Variants in LRRFIP2 observed in about 807,000 individuals in gnomAD.
LRRFIP2 encodes leucine-rich repeat flightless-interacting protein 2.
In LRRFIP2, 109 loss-of-function variants were observed where a neutral mutation model predicts 125.9. The ratio of observed to expected loss-of-function variants is 0.87; its 90% confidence interval spans 0.74 to 1.01. LRRFIP2 has a LOEUF of 1.01. Among genes scored for constraint, LRRFIP2 ranks in the 50% least tolerant of loss-of-function variants. The pLI is 0.00. For missense variants in LRRFIP2, 850 were observed against 862.3 expected, an observed-to-expected ratio of 0.99 and a Z score of 0.18; for synonymous variants, 291 against 293.1, an observed-to-expected ratio of 0.99 and a Z score of 0.07.
intron 1 of LRRFIP2, among the ~76,000 whole-genome samples, chr3:37,152,293 G>A (rs2096056413): frequency 6.6e-6 from 1 of 152,124 alleles, no homozygotes; most frequent in South Asian, 2.1e-4. Flanking sequence ...ACTTGGTGGT[G>A]GGGGCAAGGA....
At chr3:37,117,924 T>C (rs892390991) in intron 6 of LRRFIP2, among the ~76,000 whole-genome samples, 1 of 152,150 alleles carries the variant, frequency 6.6e-6, no homozygotes, top group African/African-American at 2.4e-5. Flanking sequence ...AATTAAACAG[T>C]GTAATAGTAA....
chr3:37,120,925 G>A (rs1446861696), intron 6 of LRRFIP2, among the ~76,000 whole-genome samples: 3 of 151,982 alleles, frequency 2.0e-5, no homozygotes, highest in Non-Finnish European at 4.4e-5. Context: ...ATAATACAAG[G>A]GTTTTTAAGG....
intron 20 of LRRFIP2, among the ~76,000 whole-genome samples, chr3:37,074,227 C>T (rs1355206402): frequency 6.6e-6 from 1 of 152,000 alleles, no homozygotes; most frequent in Admixed American, 6.6e-5. Flanking sequence ...TCTGAGTAGC[C>T]AGGAATGTGG....
intron 19 of LRRFIP2, among the ~76,000 whole-genome samples, chr3:37,081,689 G>C (rs999134039): frequency 1.3e-5 from 2 of 151,642 alleles, no homozygotes; most frequent in African/African-American, 4.8e-5. Flanking sequence ...TTCGAGACCA[G>C]CCTGGGCAAC....
Position 37,169,595 on chromosome 3 carries a change from G to A in LRRFIP2, c.-56+4944C>T, listed in dbSNP as rs73827224. 7.6e-3 allele frequency among the ~76,000 whole-genome samples: 1,156 copies of A among 152,216 alleles called. 16 individuals carry two copies. Among genetic ancestry groups the A allele is most frequent in the African/African-American group, 0.026 (1,094 of 41,532 alleles). On this transcript the variant is annotated intron_variant, in intron 1 of 27. Transcript: ENST00000336686. ...CATCCTAATCCTCTGCATACAGTAC[G>A]GTATACTCTAACTTACAAAACAGAA...
At position 37,058,539 on chromosome 3, in the gene LRRFIP2, G is replaced by A. The variant is rs189596275; in HGVS notation, c.1870+251C>T. Among the ~76,000 whole-genome samples the A allele has an allele frequency of 5.9e-5, 9 of 152,178 alleles. No homozygotes were observed. In the East Asian group the frequency reaches 1.7e-3, roughly 29 times the overall value. On this transcript the variant is annotated intron_variant, in intron 25 of 27. Coordinates refer to ENST00000336686, the MANE Select transcript of LRRFIP2 (RefSeq NM_006309.4). ...AAACATAAAAAACTAGCCGGGCATG[G>A]TGGCAGGCGCCTATAATCCCAGCTA...
chr3:37,149,601 T>C (rs1165637103), intron 1 of LRRFIP2, among the ~76,000 whole-genome samples: 1 of 152,226 alleles, frequency 6.6e-6, no homozygotes, highest in Admixed American at 6.5e-5. Flanking sequence ...TCAGAAGTTA[T>C]TCAGCCTAAA....
intron 3 of LRRFIP2, 143 bp from the exon 4 acceptor site, chr3:37,127,823 A>G (rs972354457): frequency 7.5e-6 from 5 of 663,722 alleles, no homozygotes; most frequent in African/African-American, 7.3e-5. Context: ...AAAATTAGTA[A>G]GCTAAATATG....
At chr3:37,109,377 T>G in intron 11 of LRRFIP2, 150 bp downstream of exon 11, 1 of 823,414 alleles carries the variant, frequency 1.2e-6, no homozygotes. Flanking sequence ...AAGTTGTATA[T>G]TTTAAGCACA....
chr3:37,144,174 T>C (rs186299597), intron 2 of LRRFIP2, among the ~76,000 whole-genome samples: 1 of 152,180 alleles, frequency 6.6e-6, no homozygotes, highest in Non-Finnish European at 1.5e-5. Flanking sequence ...AGGTGGCAGG[T>C]TCAGAAGTTA....
At chr3:37,103,234 CATCTT>C (rs1409992168) in intron 14 of LRRFIP2, among the ~76,000 whole-genome samples, 1 of 152,146 alleles carries the variant, frequency 6.6e-6, no homozygotes, top group East Asian at 1.9e-4. Flanking sequence ...CTTTTTTACT[CATCTT>C]AACTAGAGTC....
chr3:37,127,114 T>TA (rs140030902), intron 4 of LRRFIP2, among the ~76,000 whole-genome samples: 14,638 of 151,866 alleles, frequency 0.096, 934 homozygotes, highest in Admixed American at 0.16. Flanking sequence ...TTACCAAGCC[T>TA]AAAAAAAAGT....
intron 21 of LRRFIP2, chr3:37,068,169 CAAT>C (rs1487935288): frequency 6.6e-6 from 1 of 152,144 alleles, no homozygotes; most frequent in African/African-American, 2.4e-5. Context: ...CAAAGCACAA[CAAT>C]ACTTTCCCAT....
At chr3:37,089,240 G>A (rs761896963) in intron 18 of LRRFIP2, among the ~76,000 whole-genome samples, 2 of 152,084 alleles carry the variant, frequency 1.3e-5, no homozygotes, top group Admixed American at 6.6e-5. Flanking sequence ...TCATGAAATA[G>A]ATCACCTAAA....
At chr3:37,117,131 A>C (rs1232485435) in intron 6 of LRRFIP2, among the ~76,000 whole-genome samples, 1 of 151,708 alleles carries the variant, frequency 6.6e-6, no homozygotes, top group Non-Finnish European at 1.5e-5. Flanking sequence ...TGTTTAAAAA[A>C]AAAAAAAAAA....
intron 13 of LRRFIP2, among the ~76,000 whole-genome samples, 175 bp from the exon 14 acceptor site, chr3:37,105,698 T>G (rs1185942714): frequency 6.6e-6 from 1 of 152,158 alleles, no homozygotes; most frequent in Non-Finnish European, 1.5e-5. Flanking sequence ...CAAGGCATAA[T>G]AAACTGTTAT....
rs767553984 is a variant in LRRFIP2, at chr3:37,121,628, T to C, written c.285+7A>G. ...TATTAGAGGCAAGTGTATAGGTTAT[T>C]ACAAACCAGATAAGGACGATGGTGA... On this transcript the variant is annotated splice_region_variant and intron_variant, in intron 5 of 27. Transcript: ENST00000336686. 11 of 1,614,070 alleles carry C rather than the reference T, an allele frequency of 6.8e-6. No homozygotes were observed. The highest frequency in any genetic ancestry group is 8.5e-6 in the Non-Finnish European group (10 of 1,180,028).
intron 15 of LRRFIP2, among the ~76,000 whole-genome samples, chr3:37,098,692 CT>C (rs1435078322): frequency 6.6e-6 from 1 of 151,994 alleles, no homozygotes; most frequent in Non-Finnish European, 1.5e-5. Context: ...CATGCCTGGC[CT>C]GAAATTTGTT....
intron 25 of LRRFIP2, among the ~76,000 whole-genome samples, chr3:37,058,400 G>A (rs949991565): frequency 4.6e-5 from 7 of 152,148 alleles, no homozygotes; most frequent in African/African-American, 1.2e-4. Context: ...ACGGCCAGGC[G>A]CGGTGGCTCA....
Sources: gnomAD v4.1 joint callset for allele counts (sites outside exome capture counted in the v4.1 genomes callset) on GRCh38, gnomAD v4.1.1 for gene constraint, MANE v1.5 for transcripts, NCBI Gene and HGNC (gene_info 2026-07-23, HGNC 2026-07-21) for gene names.